DGLUCY: variants seen among roughly 807,000 people sequenced by gnomAD.
DGLUCY encodes D-glutamate cyclase.
DGLUCY carries 58 observed loss-of-function variants against 58.5 expected under a neutral mutation model. The ratio of observed to expected loss-of-function variants is 0.99; its 90% CI spans 0.80 to 1.23. DGLUCY has a LOEUF of 1.23. Among genes scored for constraint, DGLUCY ranks in the 50% most tolerant of loss-of-function variants. The pLI, the probability that DGLUCY is intolerant of heterozygous loss-of-function variation, is 0.00. For missense variants in DGLUCY, 779 were observed against 784.7 expected (o/e 0.99, Z 0.09); for synonymous variants, 325 against 314.1 (o/e 1.03, Z -0.37).
chr14:91,208,497 G>A (rs187493315), intron 12 of DGLUCY, among the ~76,000 whole-genome samples: 1,641 of 152,040 alleles, frequency 0.011, 20 homozygotes, highest in Admixed American at 0.024. Flanking sequence ...GCCTGTAATC[G>A]TAGCACTTTG....
At position 91,204,710 on chromosome 14, in the gene DGLUCY, C is replaced by A; in HGVS notation, c.1449C>A (p.Val483=). ...KKIPGISSTG[V]GDGGNELGMG... The stretch of plus-strand genomic sequence containing the variant: ...CTCAGCTCCCCTTCCCTTCAGGAGT[C>A]GGTGATGGAGGCAACGAGCTTGGGA... The change falls in exon 12 of 14, where the codon GTC becomes GTA. Residue 483 remains valine (V), a synonymous_variant. Coordinates refer to ENST00000256324, the MANE Select transcript of DGLUCY (RefSeq NM_001102368.3). 6.2e-7 allele frequency: 1 copy of A among 1,613,786 alleles called. No individual in the cohort carries two copies. Among genetic ancestry groups the A allele is most frequent in the Non-Finnish European group, 8.5e-7 (1 of 1,179,852 alleles).
chr14:91,183,934 A>AACCGCCCTTGGC (rs1231035284), intron 8 of DGLUCY, among the ~76,000 whole-genome samples: 1 of 152,036 alleles, frequency 6.6e-6, no homozygotes, highest in Non-Finnish European at 1.5e-5. Context: ...CGTGCTCCTA[A>AACCGCCCTTGGC]ACCTGGGGTA....
At chr14:91,077,035 A>G (rs908430834) in intron 1 of DGLUCY, among the ~76,000 whole-genome samples, 4 of 152,120 alleles carry the variant, frequency 2.6e-5, no homozygotes, top group Admixed American at 6.6e-5. Flanking sequence ...ACTTGAGCCC[A>G]GGAGTAAGAT....
intron 8 of DGLUCY, among the ~76,000 whole-genome samples, chr14:91,184,491 C>T (rs1365236371): frequency 6.8e-6 from 1 of 146,920 alleles, no homozygotes; most frequent in Admixed American, 7.0e-5. Context: ...GAATTTGAAG[C>T]TGCAGTGAGC....
intron 1 of DGLUCY, among the ~76,000 whole-genome samples, chr14:91,089,544 G>A (rs923347201): frequency 2.0e-5 from 3 of 152,162 alleles, no homozygotes; most frequent in Non-Finnish European, 2.9e-5. Flanking sequence ...AGGGGTGGCC[G>A]GGCACAGTAG....
intron 1 of DGLUCY, among the ~76,000 whole-genome samples, chr14:91,121,223 T>G (rs2045337188): frequency 6.6e-6 from 1 of 152,202 alleles, no homozygotes; most frequent in Non-Finnish European, 1.5e-5. Flanking sequence ...GCAGCTCCAG[T>G]GCTTAAGCAC....
exon 1 of DGLUCY, chr14:91,060,353 C>T (rs747349129): frequency 2.7e-6 from 4 of 1,469,190 alleles, no homozygotes; most frequent in South Asian, 1.4e-5. Context: ...TCGTGCTTGA[C>T]AGTGAGGAGC....
chr14:91,197,377 T>C (rs979402727), intron 10 of DGLUCY, among the ~76,000 whole-genome samples: 4 of 152,236 alleles, frequency 2.6e-5, no homozygotes, highest in African/African-American at 7.2e-5. Flanking sequence ...AGTGCTGGGA[T>C]TACAGGTGTG....
rs771395270 is a variant in DGLUCY at position 91,196,423 on chromosome 14, T to C, written c.1244T>C (p.Val415Ala). 2.5e-6 allele frequency: 4 copies of C among 1,614,092 alleles called. No homozygotes were observed. The highest frequency in any genetic ancestry group is 3.4e-6 in the Non-Finnish European group (4 of 1,180,022). The change falls in exon 10 of 14, where the codon GTG (valine) becomes GCG (alanine). Residue 415 changes from valine to alanine, a missense_variant. By Grantham distance (64) the Val-to-Ala change is moderately conservative. Transcript: ENST00000256324. ...IPILTYQGGS[V>A]EAAQAFLCKN... ...ATATTAACTTACCAAGGTGGATCAG[T>C]GGAAGCTGCTCAGGCATTCCTGTGC...
chr14:91,218,788 G>A (rs1009582024), intron 13 of DGLUCY, among the ~76,000 whole-genome samples: 2 of 152,148 alleles, frequency 1.3e-5, no homozygotes, highest in African/African-American at 4.8e-5. Context: ...TGCTCTAGGG[G>A]ACAATGAGGA....
At chr14:91,204,571 G>A (rs1416764390) in intron 11 of DGLUCY, 135 bp from the exon 12 acceptor site, 9 of 1,211,308 alleles carry the variant, frequency 7.4e-6, no homozygotes, top group Non-Finnish European at 1.0e-5. Flanking sequence ...CACAACTCCT[G>A]GTTGTCTGAA....
intron 8 of DGLUCY, among the ~76,000 whole-genome samples, chr14:91,182,722 G>C (rs1230148172): frequency 2.0e-5 from 3 of 152,194 alleles, no homozygotes; most frequent in African/African-American, 7.2e-5. Flanking sequence ...CTTCTCCGGG[G>C]ATCCCAGTGG....
Position 91,167,361 on chromosome 14 carries a change from T to C in DGLUCY, c.240T>C (p.Gly80=), listed in dbSNP as rs775059831. ...AAAAGTGGATGCTGCCCCCTCAAGG[T>C]GCTATCTCAGAGACCAGGTAAAAAG... is the stretch of plus-strand genomic sequence containing the variant. ...EPEKWMLPPQ[G]AISETRMGHP... is the part of the protein sequence containing the mutation. The change falls in exon 4 of 14, where the codon GGT becomes GGC. Residue 80 remains glycine (G), a synonymous_variant. Transcript: ENST00000256324. The C allele has an allele frequency of 6.2e-7, 1 of 1,614,054 alleles. No homozygotes were observed. Among genetic ancestry groups the C allele is most frequent in the Non-Finnish European group, 8.5e-7 (1 of 1,180,008 alleles).
chr14:91,157,153 GGATGAATGGGTGGATGGATA>G (rs2047683491), intron 1 of DGLUCY, among the ~76,000 whole-genome samples: 6 of 150,070 alleles, frequency 4.0e-5, no homozygotes, highest in Admixed American at 2.7e-4. Flanking sequence ...ATGGATGGAT[GGATGAATGGGTGGATGGATA>G]GATGGATGGA....
chr14:91,209,568 C>T (rs1268782590), intron 12 of DGLUCY, among the ~76,000 whole-genome samples: 2 of 152,036 alleles, frequency 1.3e-5, no homozygotes, highest in African/African-American at 2.4e-5. Context: ...ATTAGCTGGG[C>T]GTGGTGGCGG....
At chr14:91,161,141 C>T (rs2047958621) in intron 3 of DGLUCY, among the ~76,000 whole-genome samples, 1 of 152,252 alleles carries the variant, frequency 6.6e-6, no homozygotes, top group African/African-American at 2.4e-5. Context: ...TCTGGGCTCA[C>T]TGCAAGCTCC....
chr14:91,123,595 TA>T (rs1307105189), intron 1 of DGLUCY, among the ~76,000 whole-genome samples: 2 of 152,200 alleles, frequency 1.3e-5, no homozygotes, highest in African/African-American at 4.8e-5. Context: ...TGTTTCTGAT[TA>T]TTTTTTTCAA....
chr14:91,206,630 A>G (rs985158977), intron 12 of DGLUCY, among the ~76,000 whole-genome samples: 2 of 151,884 alleles, frequency 1.3e-5, no homozygotes, highest in Non-Finnish European at 2.9e-5. Flanking sequence ...TGATCCACCC[A>G]CCTCAGCCTC....
intron 3 of DGLUCY, among the ~76,000 whole-genome samples, chr14:91,165,927 A>G (rs1248226141): frequency 6.6e-6 from 1 of 152,230 alleles, no homozygotes; most frequent in Admixed American, 6.5e-5. Flanking sequence ...TCATAACCCC[A>G]AATTGGAAAC....
Sources: allele counts gnomAD v4.1 joint callset (sites outside exome capture counted in the v4.1 genomes callset), GRCh38; gene constraint gnomAD v4.1.1; transcripts MANE v1.5; gene names NCBI Gene and HGNC (gene_info 2026-07-23, HGNC 2026-07-21).